Variants in CTNNA2 observed in about 807,000 individuals in gnomAD.
CTNNA2 encodes the protein catenin alpha 2.
In CTNNA2, 42 loss-of-function variants were observed where a neutral mutation model predicts 101.0. The observed-to-expected ratio is 0.42, with a 90% confidence interval of 0.32 to 0.54. The LOEUF is 0.54. Ranked by LOEUF, CTNNA2 falls within the 20% of genes least tolerant of loss-of-function variation. CTNNA2 has a pLI of 0.14. For missense variants in CTNNA2, 871 were observed against 1,223.1 expected, an observed-to-expected ratio of 0.71 and a Z score of 4.29; for synonymous variants, 450 against 456.4, an observed-to-expected ratio of 0.99 and a Z score of 0.18.
intron 9 of CTNNA2, among the ~76,000 whole-genome samples, chr2:80,501,678 G>C (rs1389048277): frequency 6.6e-6 from 1 of 152,214 alleles, no homozygotes; most frequent in Non-Finnish European, 1.5e-5. Flanking sequence ...GTGCGTTCAG[G>C]AGGAACCCCT....
chr2:79,454,974 C>A (rs557986585), intron 4 of CTNNA2, among the ~76,000 whole-genome samples: 1 of 152,268 alleles, frequency 6.6e-6, no homozygotes, highest in African/African-American at 2.4e-5. Flanking sequence ...TTATGTCCAT[C>A]TCCTTACCAG....
chr2:80,550,792 C>T (rs138935472), intron 11 of CTNNA2, among the ~76,000 whole-genome samples: 4 of 139,804 alleles, frequency 2.9e-5, no homozygotes, highest in African/African-American at 9.9e-5. Flanking sequence ...AAGTCTTGAA[C>T]CCTTCAAAGT....
At chr2:80,090,815 A>G (rs1699749476) in intron 7 of CTNNA2, among the ~76,000 whole-genome samples, 1 of 152,118 alleles carries the variant, frequency 6.6e-6, no homozygotes, top group African/African-American at 2.4e-5. Flanking sequence ...TGAGCCTGTA[A>G]GTCCTTTTCC....
chr2:79,577,934 C>A (rs1675898915), intron 1 of CTNNA2, among the ~76,000 whole-genome samples: 1 of 152,052 alleles, frequency 6.6e-6, no homozygotes. Flanking sequence ...TTTATAAATT[C>A]ATTTGATAAC....
chr2:79,954,935 A>C (rs1421445038), intron 7 of CTNNA2, among the ~76,000 whole-genome samples: 2 of 152,194 alleles, frequency 1.3e-5, no homozygotes, highest in African/African-American at 4.8e-5. Context: ...GTACATACCA[A>C]CTTCAGAAGA....
At chr2:80,452,093 A>G (rs959559816) in intron 9 of CTNNA2, among the ~76,000 whole-genome samples, 16 of 152,354 alleles carry the variant, frequency 1.1e-4, no homozygotes, top group African/African-American at 3.8e-4. Flanking sequence ...CCAAGAACCT[A>G]GCAACCATAC....
At chr2:79,549,238 A>G (rs1673933329) in intron 1 of CTNNA2, among the ~76,000 whole-genome samples, 1 of 152,194 alleles carries the variant, frequency 6.6e-6, no homozygotes, top group Non-Finnish European at 1.5e-5. Context: ...AACAAATAGA[A>G]TTTAAATGTC....
intron 1 of CTNNA2, among the ~76,000 whole-genome samples, chr2:79,544,800 C>T (rs1673632371): frequency 6.6e-6 from 1 of 152,074 alleles, no homozygotes; most frequent in Non-Finnish European, 1.5e-5. Flanking sequence ...TTGCCTTGGC[C>T]TCCCTTGCTT....
intron 7 of CTNNA2, among the ~76,000 whole-genome samples, chr2:80,064,805 G>A (rs984521931): frequency 4.6e-5 from 7 of 152,160 alleles, no homozygotes; most frequent in Admixed American, 1.3e-4. Context: ...CAAGTCATGT[G>A]GCTAAGTATA....
chr2:79,639,427 A>C (rs1680296460), intron 1 of CTNNA2, among the ~76,000 whole-genome samples: 1 of 152,210 alleles, frequency 6.6e-6, no homozygotes, highest in Non-Finnish European at 1.5e-5. Flanking sequence ...CTTTTTGGCT[A>C]GAATATCAAA....
chr2:80,483,656 T>C (rs1019671848), intron 9 of CTNNA2, among the ~76,000 whole-genome samples: 1 of 152,142 alleles, frequency 6.6e-6, no homozygotes, highest in Non-Finnish European at 1.5e-5. Context: ...ATATATGAAC[T>C]AAGGAGAATG....
chr2:79,529,586 C>G (rs184669946), intron 1 of CTNNA2, among the ~76,000 whole-genome samples: 5 of 151,894 alleles, frequency 3.3e-5, no homozygotes, highest in Admixed American at 1.3e-4. Context: ...CTCAGGAATA[C>G]CACTGCTTAA....
intron 7 of CTNNA2, among the ~76,000 whole-genome samples, chr2:79,916,208 T>C (rs997997753): frequency 6.6e-6 from 1 of 152,194 alleles, no homozygotes; most frequent in African/African-American, 2.4e-5. Context: ...AAAATGTTTG[T>C]GGGCAATCGA....
intron 11 of CTNNA2, among the ~76,000 whole-genome samples, chr2:80,546,584 G>A (rs892392158): frequency 3.9e-5 from 6 of 152,182 alleles, no homozygotes; most frequent in African/African-American, 1.4e-4. Context: ...ACTTGTCTAT[G>A]AGGTTGTAGA....
chr2:79,893,651 T>G (rs1684458057), intron 6 of CTNNA2, among the ~76,000 whole-genome samples: 1 of 152,172 alleles, frequency 6.6e-6, no homozygotes, highest in Non-Finnish European at 1.5e-5. Flanking sequence ...AAGGTATAAA[T>G]CATATGTATC....
chr2:79,577,393 C>T (rs867472573), intron 1 of CTNNA2, among the ~76,000 whole-genome samples: 2 of 151,958 alleles, frequency 1.3e-5, no homozygotes, highest in African/African-American at 2.4e-5. Flanking sequence ...TGATTTATAT[C>T]GAAGACATGG....
chr2:80,240,310 C>T (rs1670824000), intron 7 of CTNNA2, among the ~76,000 whole-genome samples: 1 of 152,186 alleles, frequency 6.6e-6, no homozygotes, highest in East Asian at 1.9e-4. Flanking sequence ...AGAGAATACA[C>T]AAAATAACTT....
At chr2:79,436,029 C>A (rs945308903) in intron 4 of CTNNA2, among the ~76,000 whole-genome samples, 2 of 151,988 alleles carry the variant, frequency 1.3e-5, no homozygotes, top group African/African-American at 4.8e-5. Flanking sequence ...CACACGGGTT[C>A]CTGACCACTC....
intron 7 of CTNNA2, among the ~76,000 whole-genome samples, chr2:80,194,591 T>C (rs1482313123): frequency 2.0e-5 from 3 of 151,764 alleles, no homozygotes; most frequent in Middle Eastern, 3.2e-3. Context: ...GTTTCTATTA[T>C]AGCTTAAAAC....
Sources: allele counts gnomAD v4.1 joint callset (sites outside exome capture counted in the v4.1 genomes callset), GRCh38; gene constraint gnomAD v4.1.1; transcripts MANE v1.5; gene names NCBI Gene and HGNC (gene_info 2026-07-23, HGNC 2026-07-21).